RGS7BP: variants seen among roughly 807,000 people sequenced by gnomAD.
RGS7BP encodes the protein regulator of G protein signaling 7-binding protein.
A neutral mutation model predicts 31.3 loss-of-function variants in RGS7BP; 9 were observed. The ratio of observed to expected loss-of-function variants is 0.29; its 90% CI spans 0.17 to 0.50. The LOEUF is 0.50. Ranked by LOEUF, RGS7BP falls within the 20% of genes least tolerant of loss-of-function variation. RGS7BP has a pLI of 0.98. For synonymous variants in RGS7BP, 115 were observed against 120.1 expected (o/e 0.96, Z 0.28); for missense variants, 274 against 322.0 (o/e 0.85, Z 1.14).
intron 2 of RGS7BP, among the ~76,000 whole-genome samples, chr5:64,567,032 C>T (rs1304169435): frequency 2.0e-5 from 3 of 151,788 alleles, no homozygotes; most frequent in Non-Finnish European, 4.4e-5. Flanking sequence ...TGTCCTCAAA[C>T]GGACCTTTTG....
intron 2 of RGS7BP, among the ~76,000 whole-genome samples, chr5:64,558,828 G>A (rs1357461420): frequency 2.6e-5 from 4 of 152,152 alleles, no homozygotes; most frequent in Admixed American, 2.0e-4. Flanking sequence ...TGGCCACTCT[G>A]AGGGTATCTG....
At chr5:64,556,440 CACACACACACA>C (rs1741928784) in intron 2 of RGS7BP, among the ~76,000 whole-genome samples, 1 of 147,678 alleles carries the variant, frequency 6.8e-6, no homozygotes, top group African/African-American at 2.5e-5. Context: ...CACACACACA[CACACACACACA>C]CACACACACA....
intron 2 of RGS7BP, among the ~76,000 whole-genome samples, chr5:64,555,105 G>A (rs1741889675): frequency 6.6e-6 from 1 of 151,924 alleles, no homozygotes. Flanking sequence ...AATAGACAAT[G>A]GAATGATACC....
intron 3 of RGS7BP, among the ~76,000 whole-genome samples, chr5:64,585,883 T>C (rs1484232332): frequency 2.0e-5 from 3 of 152,176 alleles, no homozygotes. Context: ...GCAACCAGCA[T>C]GGTATGATTT....
At chr5:64,561,119 A>G (rs1198987809) in intron 2 of RGS7BP, among the ~76,000 whole-genome samples, 1 of 151,978 alleles carries the variant, frequency 6.6e-6, no homozygotes, top group Non-Finnish European at 1.5e-5. Context: ...ACTAGCTTAC[A>G]CTAGCCTGAT....
chr5:64,556,412 C>T (rs1465485164), intron 2 of RGS7BP, among the ~76,000 whole-genome samples: 1 of 124,968 alleles, frequency 8.0e-6, no homozygotes, highest in African/African-American at 3.2e-5. Flanking sequence ...AGCAATCTTC[C>T]CCAGCCACAC....
At chr5:64,586,892 A>G (rs1447700210) in intron 3 of RGS7BP, among the ~76,000 whole-genome samples, 1 of 132,272 alleles carries the variant, frequency 7.6e-6, no homozygotes, top group Non-Finnish European at 1.6e-5. Flanking sequence ...ATGGAAAAAC[A>G]TGTAATGAAA....
At chr5:64,545,132 T>C (rs907825177) in intron 2 of RGS7BP, among the ~76,000 whole-genome samples, 5 of 151,184 alleles carry the variant, frequency 3.3e-5, no homozygotes, top group South Asian at 2.1e-4. Context: ...GCTGAAATCA[T>C]GCCACTGCAC....
intron 5 of RGS7BP, among the ~76,000 whole-genome samples, chr5:64,602,137 A>G (rs1743234285): frequency 6.6e-6 from 1 of 152,216 alleles, no homozygotes; most frequent in African/African-American, 2.4e-5. Flanking sequence ...GGACCCCCAC[A>G]TCCAGAACCG....
intron 3 of RGS7BP, among the ~76,000 whole-genome samples, chr5:64,591,877 G>A (rs1415670651): frequency 1.3e-5 from 2 of 152,112 alleles, no homozygotes; most frequent in Non-Finnish European, 2.9e-5. Context: ...CTTGGTCTTT[G>A]GTAGTAGACT....
At chr5:64,573,528 T>A (rs2111893669) in intron 2 of RGS7BP, 1 of 148,336 alleles carries the variant, frequency 6.7e-6, no homozygotes, top group African/African-American at 2.5e-5. Context: ...AACAGATTTT[T>A]AAAAGGTTTT....
intron 5 of RGS7BP, among the ~76,000 whole-genome samples, chr5:64,606,913 C>G (rs959695155): frequency 6.6e-6 from 1 of 151,936 alleles, no homozygotes; most frequent in African/African-American, 2.4e-5. Context: ...CAATTATAGC[C>G]CTGTTTTTCT....
At position 64,568,240 on chromosome 5, in the gene RGS7BP, A is replaced by C. The variant is rs534295947; in HGVS notation, c.333-7534A>C. On this transcript the variant is annotated intron_variant, in intron 2 of 5. Coordinates refer to ENST00000334025, the MANE Select transcript of RGS7BP (RefSeq NM_001029875.3). ...CCCAGCAGAGACTGAAGAATTCAGC[A>C]CTCAGACTCTATCAGTCGCAGGCCT... Among the ~76,000 whole-genome samples the C allele has an allele frequency of 8.5e-5, 13 of 152,268 alleles. 1 individual carries two copies. The South Asian group carries it at 2.5e-3, about 29-fold the overall frequency.
intron 5 of RGS7BP, among the ~76,000 whole-genome samples, chr5:64,603,682 G>C (rs1274067019): frequency 6.6e-6 from 1 of 152,236 alleles, no homozygotes; most frequent in Non-Finnish European, 1.5e-5. Context: ...GTAGTCACTT[G>C]TGGTGTTGGC....
chr5:64,556,417 CCACACACACACACACACA>C (rs10624566), intron 2 of RGS7BP, among the ~76,000 whole-genome samples: 1,441 of 125,432 alleles, frequency 0.011, 22 homozygotes, highest in African/African-American at 0.039. Context: ...TCTTCCCCAG[CCACACACACACACACACA>C]CACACACACA....
chr5:64,605,247 C>T (rs951577847), intron 5 of RGS7BP, among the ~76,000 whole-genome samples: 1 of 151,924 alleles, frequency 6.6e-6, no homozygotes, highest in Admixed American at 6.6e-5. Flanking sequence ...AATTAGAAGC[C>T]ACATCTAAAC....
intron 2 of RGS7BP, among the ~76,000 whole-genome samples, chr5:64,539,104 A>T (rs951407960): frequency 4.6e-5 from 7 of 151,920 alleles, no homozygotes; most frequent in African/African-American, 1.7e-4. Context: ...TTGTGTTTTT[A>T]ATTTGCGTTC....
At position 64,611,474 on chromosome 5, in the gene RGS7BP, T is replaced by G. The variant is rs1038770675; in HGVS notation, c.*2222T>G. 1.3e-5 allele frequency: 2 copies of G among 152,262 alleles called. No individual in the cohort carries two copies. The highest frequency in any genetic ancestry group is 6.6e-5 in the Admixed American group (1 of 15,206). The allele number at this position is 152,262 out of a possible 1,614,324, so 9.4% of individuals were successfully genotyped here. ...GTGTGAAAGTAACACTTACCTTCTGTGCAATTGTCCTTTGTACAACTGAAG... is the reference window on the plus strand; with the variant it reads ...GTGTGAAAGTAACACTTACCTTCTGGGCAATTGTCCTTTGTACAACTGAAG... On this transcript the variant is annotated 3_prime_UTR_variant, in exon 6 of 6. Transcript: ENST00000334025.
intron 2 of RGS7BP, among the ~76,000 whole-genome samples, chr5:64,509,920 A>G (rs73109027): frequency 0.029 from 4,373 of 152,326 alleles, 173 homozygotes; most frequent in African/African-American, 0.089. Context: ...AAAAAATGAC[A>G]GCAATATAAT....
Sources: allele counts gnomAD v4.1 joint callset (sites outside exome capture counted in the v4.1 genomes callset), GRCh38; gene constraint gnomAD v4.1.1; transcripts MANE v1.5; gene names NCBI Gene and HGNC (gene_info 2026-07-23, HGNC 2026-07-21).